PNLDC1: variants seen among roughly 807,000 people sequenced by gnomAD.
PNLDC1 encodes the protein PARN like ribonuclease domain containing exonuclease 1, also known as poly(A)-specific ribonuclease PNLDC1.
In PNLDC1, 70 loss-of-function variants were observed where a neutral mutation model predicts 82.0. The ratio of observed to expected loss-of-function variants is 0.85; its 90% confidence interval spans 0.70 to 1.04. The LOEUF (loss-of-function observed/expected upper bound fraction) is 1.04, where lower values mean the gene tolerates loss of function less well. PNLDC1 is among the 50% of genes least tolerant of loss of function. The pLI is 0.00. For missense variants in PNLDC1, 631 were observed against 661.1 expected, an observed-to-expected ratio of 0.95 and a Z score of 0.50; for synonymous variants, 280 against 249.3, an observed-to-expected ratio of 1.12 and a Z score of -1.16.
Position 159,803,979 on chromosome 6 carries a change from C to T in PNLDC1, c.263C>T (p.Ser88Phe), listed in dbSNP as rs370436669. The change falls in exon 5 of 19, where the codon TCT (serine) becomes TTT (phenylalanine). Residue 88 changes from serine to phenylalanine, a missense_variant. Ser to Phe is a radical substitution (Grantham distance 155). Transcript: ENST00000392167. The part of the protein sequence containing the change: ...EGEANKYIAH[S>F]CNFYLFPTTF... Reference sequence around the variant, plus strand: ...TTTTATTATAGGTATATAGCCCATTCTTGTAACTTCTATCTCTTCCCTACA... The same window carrying T: ...TTTTATTATAGGTATATAGCCCATTTTTGTAACTTCTATCTCTTCCCTACA... The T allele has an allele frequency of 8.1e-6, 13 of 1,613,452 alleles. No homozygotes were observed. Among genetic ancestry groups the T allele is most frequent in the Admixed American group, 3.3e-5 (2 of 59,982 alleles).
At chr6:159,810,201 TC>T in intron 10 of PNLDC1, 106 bp downstream of exon 10, 2 of 969,026 alleles carry the variant, frequency 2.1e-6, no homozygotes, top group Non-Finnish European at 3.2e-6. Context: ...TGCCCATTCC[TC>T]CCCAGTGTCT....
chr6:159,816,509 C>T lies in PNLDC1; in HGVS notation c.1061-34C>T, dbSNP rs148942241. The stretch of plus-strand genomic sequence containing the variant: ...ATGGGGCGTGTTTCTAATGACTGCT[C>T]AATTCTCTGTCCTCCTGGTGGAAAA... On this transcript the variant is annotated intron_variant, in intron 13 of 18. Transcript: ENST00000392167. 1,621 of 1,608,008 alleles carry T rather than the reference C, an allele frequency of 1.0e-3. 1 individual carries two copies. The highest frequency in any genetic ancestry group is 1.3e-3 in the Non-Finnish European group (1,520 of 1,174,754).
At chr6:159,804,116 A>G (rs747871398) in intron 5 of PNLDC1, 28 bp downstream of exon 5, 2 of 1,609,210 alleles carry the variant, frequency 1.2e-6, no homozygotes, top group Middle Eastern at 1.7e-4. Context: ...GGGAACGGGA[A>G]TGTCTTTTGT....
chr6:159,817,481 C>G (rs1435851571), intron 15 of PNLDC1, among the ~76,000 whole-genome samples: 1 of 152,248 alleles, frequency 6.6e-6, no homozygotes, highest in Non-Finnish European at 1.5e-5. Flanking sequence ...GCTTGATTGT[C>G]TCTCACTTGC....
chr6:159,808,012 C>T (rs556419349), intron 7 of PNLDC1, among the ~76,000 whole-genome samples: 1 of 152,038 alleles, frequency 6.6e-6, no homozygotes. Flanking sequence ...CTCCCGGGTT[C>T]AAGGGATTCT....
rs761479759 is a variant in PNLDC1, at chr6:159,818,673, G to A, written c.1257+19G>A. 6.3e-7 allele frequency: 1 copy of A among 1,599,612 alleles called. No homozygotes were observed. The highest frequency in any genetic ancestry group is 8.6e-7 in the Non-Finnish European group (1 of 1,167,814). On this transcript the variant is annotated intron_variant, in intron 16 of 18. Transcript: ENST00000392167. Reference sequence around the variant, plus strand: ...AAAGATCGTGAGTAGATCTCATTTGGCCCCCTCGCCCCATTCAGAGTTCAG... The same window carrying A: ...AAAGATCGTGAGTAGATCTCATTTGACCCCCTCGCCCCATTCAGAGTTCAG...
intron 2 of PNLDC1, 67 bp downstream of exon 2, chr6:159,800,896 G>A: frequency 6.2e-7 from 1 of 1,607,456 alleles, no homozygotes; most frequent in Non-Finnish European, 8.5e-7. Flanking sequence ...CTGGCCAGCA[G>A]CCTGTTGGCA....
rs576000950 is a variant in PNLDC1, at chr6:159,815,662, G to A, written c.996-307G>A. The stretch of plus-strand genomic sequence containing the variant: ...GGCAGGCATAATTGTCTCCGTAGTC[G>A]CTAGACAGGCCACTAGACAGCTCCG... On this transcript the variant is annotated intron_variant, in intron 12 of 18. Coordinates refer to ENST00000392167, the MANE Select transcript of PNLDC1 (RefSeq NM_001271862.2). Among the ~76,000 whole-genome samples, 4 of 152,180 alleles carry A rather than the reference G, an allele frequency of 2.6e-5. No individual in the cohort carries two copies. The South Asian group carries it at 6.2e-4, about 24-fold the overall frequency.
At chr6:159,814,547 C>G (rs1280228408) in intron 12 of PNLDC1, among the ~76,000 whole-genome samples, 7 of 152,180 alleles carry the variant, frequency 4.6e-5, no homozygotes, top group African/African-American at 1.7e-4. Context: ...CAACTTGACC[C>G]TCCTCTCTGT....
intron 11 of PNLDC1, among the ~76,000 whole-genome samples, chr6:159,813,052 C>CAG (rs1365016318): frequency 1.3e-5 from 2 of 152,062 alleles, no homozygotes; most frequent in African/African-American, 2.4e-5. Context: ...AACTGAAGAA[C>CAG]AGAGAAGGGG....
At chr6:159,811,830 A>G in intron 11 of PNLDC1, 44 bp downstream of exon 11, 1 of 1,337,718 alleles carries the variant, frequency 7.5e-7, no homozygotes, top group South Asian at 1.2e-5. Flanking sequence ...CTTTTTCCAT[A>G]CCAGTAACAC....
intron 12 of PNLDC1, among the ~76,000 whole-genome samples, chr6:159,814,845 A>G (rs147739365): frequency 2.6e-5 from 4 of 152,328 alleles, no homozygotes; most frequent in African/African-American, 9.6e-5. Flanking sequence ...ATGAGTTTGT[A>G]GATGTGGAAG....
At chr6:159,808,976 A>G (rs777376203) in intron 8 of PNLDC1, 39 bp from the exon 9 acceptor site, 2 of 1,605,332 alleles carry the variant, frequency 1.2e-6, no homozygotes, top group Non-Finnish European at 1.7e-6. Flanking sequence ...CCTCATTCCT[A>G]GTAACCCAGG....
intron 8 of PNLDC1, 49 bp from the exon 9 acceptor site, chr6:159,808,966 C>T (rs1307783087): frequency 6.2e-7 from 1 of 1,603,262 alleles, no homozygotes; most frequent in Non-Finnish European, 8.5e-7. Flanking sequence ...TTTCTTTAGG[C>T]CTCATTCCTA....
chr6:159,800,228 C>A (rs374311639), upstream of PNLDC1: 11 of 1,396,580 alleles, frequency 7.9e-6, no homozygotes, highest in African/African-American at 1.6e-4. Context: ...CCTTTAAGAC[C>A]CGGCGGCGCG....
At chr6:159,811,069 G>A (rs1781630790) in intron 10 of PNLDC1, among the ~76,000 whole-genome samples, 1 of 152,204 alleles carries the variant, frequency 6.6e-6, no homozygotes, top group South Asian at 2.1e-4. Context: ...GCCGGTGGGA[G>A]GTCGGGAGTG....
intron 1 of PNLDC1, 97 bp downstream of exon 1, chr6:159,800,480 C>A: frequency 7.1e-7 from 1 of 1,407,724 alleles, no homozygotes; most frequent in Non-Finnish European, 9.6e-7. Flanking sequence ...GCCACAGGGC[C>A]TCAGAGAGGG....
intron 13 of PNLDC1, among the ~76,000 whole-genome samples, chr6:159,816,338 G>T (rs1781827198): frequency 6.6e-6 from 1 of 150,804 alleles, no homozygotes; most frequent in African/African-American, 2.4e-5. Context: ...CCTTAATGTG[G>T]TCCTTAGTCT....
Position 159,813,805 on chromosome 6 carries a change from C to G in PNLDC1, c.995+149C>G. ...TCCTCCAGCTCCTCCTGCTTCATGG[C>G]CCCCTTCCTCCGATGACCCTCTTGC... On this transcript the variant is annotated intron_variant, in intron 12 of 18. Coordinates refer to ENST00000392167, the MANE Select transcript of PNLDC1 (RefSeq NM_001271862.2). 6 of 674,506 alleles carry G rather than the reference C, an allele frequency of 8.9e-6. No individual in the cohort carries two copies. The South Asian group carries it at 1.1e-4, about 12-fold the overall frequency. 41.8% of individuals were successfully genotyped at this position (674,506 alleles called of 1,614,324 possible).
Sources: allele counts gnomAD v4.1 joint callset (sites outside exome capture counted in the v4.1 genomes callset), GRCh38; gene constraint gnomAD v4.1.1; transcripts MANE v1.5; gene names NCBI Gene and HGNC (gene_info 2026-07-23, HGNC 2026-07-21).